Variants in PCDHA2 observed in about 807,000 individuals in gnomAD.
PCDHA2 encodes the protein protocadherin alpha 2, also known as protocadherin alpha-2.
A neutral mutation model predicts 66.0 loss-of-function variants in PCDHA2; 58 were observed. The observed-to-expected ratio is 0.88, with a 90% confidence interval of 0.71 to 1.09. PCDHA2 has a LOEUF of 1.09. Among genes scored for constraint, PCDHA2 ranks in the 50% least tolerant of loss-of-function variants. The pLI is 0.00. For synonymous variants in PCDHA2, 634 were observed against 554.0 expected, an observed-to-expected ratio of 1.14 and a Z score of -2.03; for missense variants, 1,267 against 1,242.3, an observed-to-expected ratio of 1.02 and a Z score of -0.30.
Position 140,853,937 on chromosome 5 carries a change from G to T in PCDHA2, c.2388+56585G>T, listed in dbSNP as rs367556947. The T allele has an allele frequency of 1.7e-4, 142 of 835,446 alleles. 8 individuals carry two copies. The highest frequency in any genetic ancestry group is 1.9e-4 in the Non-Finnish European group (128 of 679,266). 51.8% of individuals were successfully genotyped at this position (835,446 alleles called of 1,614,324 possible). A position where few individuals can be genotyped will look rare whatever the true frequency, so the allele number is the denominator to read the frequency against. On this transcript the variant is annotated intron_variant, in intron 1 of 3. Coordinates refer to ENST00000526136, the MANE Select transcript of PCDHA2 (RefSeq NM_018905.3). ...CAATCCCAACATTTTGGGAGGCCAA[G>T]GTGGGAGGGTCCCTTCCTTGAGCCC...
At chr5:140,803,710 T>C (rs1312933192) in intron 1 of PCDHA2, 1 of 1,515,562 alleles carries the variant, frequency 6.6e-7, no homozygotes, top group East Asian at 2.3e-5. Context: ...AATTAGACTT[T>C]TCCAGTTTTG....
intron 1 of PCDHA2, chr5:140,810,407 C>A (rs1486958299): frequency 6.6e-6 from 1 of 152,276 alleles, no homozygotes; most frequent in East Asian, 1.9e-4. Flanking sequence ...GTAGCTAACA[C>A]CAACCAATTT....
intron 1 of PCDHA2, among the ~76,000 whole-genome samples, chr5:140,901,864 C>G (rs782513656): frequency 4.6e-4 from 70 of 152,126 alleles, no homozygotes; most frequent in Non-Finnish European, 5.7e-4. Flanking sequence ...TTTGTGTCCT[C>G]TTCAATTTCT....
intron 1 of PCDHA2, among the ~76,000 whole-genome samples, chr5:140,895,594 T>C (rs2065067713): frequency 6.6e-6 from 1 of 152,228 alleles, no homozygotes; most frequent in Admixed American, 6.5e-5. Flanking sequence ...GATATATAAT[T>C]TGCAAAGATT....
intron 1 of PCDHA2, chr5:140,969,627 G>A: frequency 1.5e-6 from 1 of 664,866 alleles, no homozygotes; most frequent in Non-Finnish European, 2.5e-6. Flanking sequence ...AGAGAAACAG[G>A]ACAGGCCTTG....
At chr5:140,875,982 T>A (rs782696437) in intron 1 of PCDHA2, 7 of 1,614,008 alleles carry the variant, frequency 4.3e-6, no homozygotes, top group Non-Finnish European at 5.9e-6. Context: ...TTTTGACCTA[T>A]GCGTTAAGTC....
rs976941925 is a variant in PCDHA2, at chr5:140,854,525, C to T, written c.2388+57173C>T. 1.3e-5 allele frequency: 2 copies of T among 149,636 alleles called. 1 individual carries two copies. The highest frequency in any genetic ancestry group is 4.9e-5 in the African/African-American group (2 of 40,820). 9.3% of individuals were successfully genotyped at this position (149,636 alleles called of 1,614,324 possible). A position where few individuals can be genotyped will look rare whatever the true frequency, so the allele number is the denominator to read the frequency against. On this transcript the variant is annotated intron_variant, in intron 1 of 3. Transcript: ENST00000526136. ...CATAAACTGATGGATTAAGTGACAC[C>T]CATTTCTGTCAGTTTTCTTATTCAT...
chr5:140,970,847 C>A (rs2096437224), intron 1 of PCDHA2, among the ~76,000 whole-genome samples: 1 of 149,802 alleles, frequency 6.7e-6, no homozygotes, highest in Non-Finnish European at 1.5e-5. Context: ...TGCACAGGCA[C>A]AAAAGTTCCA....
intron 1 of PCDHA2, among the ~76,000 whole-genome samples, chr5:140,924,152 C>T (rs1163487854): frequency 6.6e-6 from 1 of 152,176 alleles, no homozygotes; most frequent in African/African-American, 2.4e-5. Context: ...TGAAGAAATG[C>T]ACATCCTAAT....
chr5:140,796,251 C>G lies in PCDHA2; in HGVS notation c.1287C>G (p.Asp429Glu). The G allele has an allele frequency of 1.2e-6, 2 of 1,614,130 alleles. No homozygotes were observed. Among genetic ancestry groups the G allele is most frequent in the South Asian group, 1.1e-5 (1 of 91,078 alleles). ...SAYELVVTAR[D>E]GGSPSLWATT... ...ATGAGCTGGTGGTGACCGCACGGGA[C>G]GGGGGCTCGCCTTCACTGTGGGCCA... The change falls in exon 1 of 4, where the codon GAC becomes GAG. Residue 429 changes from aspartate to glutamate, a missense_variant. Asp to Glu is a conservative substitution (Grantham distance 45). Transcript: ENST00000526136.
chr5:140,801,411 G>A (rs201362111), intron 1 of PCDHA2: 61 of 1,613,736 alleles, frequency 3.8e-5, no homozygotes, highest in Non-Finnish European at 5.1e-5. Flanking sequence ...CAAAAGACAC[G>A]GGGACCTTCT....
chr5:140,969,068 A>C (rs2096293164), intron 1 of PCDHA2: 2 of 1,614,046 alleles, frequency 1.2e-6, no homozygotes, highest in South Asian at 2.2e-5. Flanking sequence ...TGATGCCAGG[A>C]TACCGCATGG....
At chr5:140,955,096 T>G (rs1366148224) in intron 1 of PCDHA2, among the ~76,000 whole-genome samples, 1 of 152,178 alleles carries the variant, frequency 6.6e-6, no homozygotes, top group Non-Finnish European at 1.5e-5. Flanking sequence ...GTGTGTGGTG[T>G]TATTTCTGAG....
chr5:140,932,593 A>T (rs1347990722), intron 1 of PCDHA2, among the ~76,000 whole-genome samples: 1 of 151,922 alleles, frequency 6.6e-6, no homozygotes, highest in South Asian at 2.1e-4. Context: ...GATGTTTTGT[A>T]TATCTATTTT....
At chr5:140,892,013 C>T (rs2063353338) in intron 1 of PCDHA2, among the ~76,000 whole-genome samples, 1 of 152,206 alleles carries the variant, frequency 6.6e-6, no homozygotes, top group South Asian at 2.1e-4. Context: ...GTTATAGCAG[C>T]ACAAATGGTC....
At position 140,863,948 on chromosome 5, in the gene PCDHA2, C is replaced by T. The variant is rs782241873; in HGVS notation, c.2388+66596C>T. On this transcript the variant is annotated intron_variant, in intron 1 of 3. Transcript: ENST00000526136. ...CCTAGGAGGCAGAGGTTGCGGTGAG[C>T]CTAGATTAGGCCACTGCACTACAGC... is the stretch of plus-strand genomic sequence containing the variant. 1.5e-3 allele frequency: 237 copies of T among 158,844 alleles called. 8 individuals carry two copies. The highest frequency in any genetic ancestry group is 2.3e-3 in the Admixed American group (40 of 17,122). 9.8% of individuals were successfully genotyped at this position (158,844 alleles called of 1,614,324 possible). A position where few individuals can be genotyped will look rare whatever the true frequency, so the allele number is the denominator to read the frequency against.
chr5:140,967,659 G>A, intron 1 of PCDHA2: 1 of 1,614,218 alleles, frequency 6.2e-7, no homozygotes, highest in Non-Finnish European at 8.5e-7. Flanking sequence ...TCCTTGAGCA[G>A]CTACACGTCG....
intron 1 of PCDHA2, among the ~76,000 whole-genome samples, chr5:140,885,974 T>C (rs2060795303): frequency 6.6e-6 from 1 of 152,200 alleles, no homozygotes; most frequent in Admixed American, 6.5e-5. Flanking sequence ...GAGATAATTA[T>C]AGATTCGCAT....
intron 1 of PCDHA2, chr5:140,828,744 G>C: frequency 6.2e-7 from 1 of 1,614,228 alleles, no homozygotes; most frequent in Non-Finnish European, 8.5e-7. Flanking sequence ...ACAGATGGGG[G>C]CAAACCTGAG....
Sources: gnomAD v4.1 joint callset for allele counts (sites outside exome capture counted in the v4.1 genomes callset) on GRCh38, gnomAD v4.1.1 for gene constraint, MANE v1.5 for transcripts, NCBI Gene and HGNC (gene_info 2026-07-23, HGNC 2026-07-21) for gene names.